The following CADM2 variants were observed in gnomAD, a reference collection of about 807,000 sequenced individuals.
CADM2 encodes cell adhesion molecule 2.
A neutral mutation model predicts 49.8 loss-of-function variants in CADM2; 12 were observed. The observed-to-expected ratio is 0.24, with a 90% CI of 0.15 to 0.39. CADM2 has a LOEUF of 0.39. Among genes scored for constraint, CADM2 ranks in the 10% least tolerant of loss-of-function variants. CADM2 has a pLI of 1.00. For synonymous variants in CADM2, 214 were observed against 175.4 expected (o/e 1.22, Z -1.74); for missense variants, 378 against 492.3 (o/e 0.77, Z 2.20).
At chr3:85,090,579 G>A (rs937776995) in intron 1 of CADM2, among the ~76,000 whole-genome samples, 3 of 152,180 alleles carry the variant, frequency 2.0e-5, no homozygotes, top group Admixed American at 1.3e-4. Flanking sequence ...CAATTTCTGT[G>A]CTCTCCAACC....
chr3:86,023,797 T>C (rs963899716), intron 8 of CADM2, among the ~76,000 whole-genome samples: 1 of 152,174 alleles, frequency 6.6e-6, no homozygotes, highest in African/African-American at 2.4e-5. Context: ...GGAAATAGCT[T>C]CTTTTTAGAC....
At chr3:85,524,147 A>C (rs892240548) in intron 1 of CADM2, among the ~76,000 whole-genome samples, 1 of 152,132 alleles carries the variant, frequency 6.6e-6, no homozygotes, top group Non-Finnish European at 1.5e-5. Context: ...CTAAAGTTTG[A>C]TGGATTTTAT....
At chr3:85,128,670 T>G (rs1375265375) in intron 1 of CADM2, among the ~76,000 whole-genome samples, 1 of 152,166 alleles carries the variant, frequency 6.6e-6, no homozygotes, top group Non-Finnish European at 1.5e-5. Context: ...CTTCCAACTT[T>G]CTTGTGAATC....
intron 1 of CADM2, among the ~76,000 whole-genome samples, chr3:85,698,514 A>T (rs922167912): frequency 1.3e-5 from 2 of 152,066 alleles, no homozygotes; most frequent in Non-Finnish European, 2.9e-5. Flanking sequence ...GCTTCTGGGG[A>T]AGCCTCAGGA....
intron 6 of CADM2, among the ~76,000 whole-genome samples, chr3:85,924,849 C>T (rs767718954): frequency 8.5e-5 from 13 of 152,122 alleles, no homozygotes; most frequent in Non-Finnish European, 1.6e-4. Flanking sequence ...TTGCTTCTAA[C>T]ATAAAGTCCA....
At chr3:85,954,707 A>C (rs2108596084) in intron 7 of CADM2, among the ~76,000 whole-genome samples, 1 of 151,328 alleles carries the variant, frequency 6.6e-6, no homozygotes, top group South Asian at 2.1e-4. Context: ...ATAAACTTTA[A>C]ATCTTTTACT....
At chr3:85,954,993 C>A (rs1163870976) in intron 7 of CADM2, among the ~76,000 whole-genome samples, 1 of 151,222 alleles carries the variant, frequency 6.6e-6, no homozygotes, top group Non-Finnish European at 1.5e-5. Context: ...ATATTTACTG[C>A]CCATCTGTGG....
At chr3:85,893,284 G>A (rs573384971) in intron 5 of CADM2, among the ~76,000 whole-genome samples, 2 of 152,126 alleles carry the variant, frequency 1.3e-5, no homozygotes, top group East Asian at 3.9e-4. Context: ...AGGAAAACTG[G>A]CTAGCCATAT....
At chr3:85,595,826 T>A (rs2063225731) in intron 1 of CADM2, among the ~76,000 whole-genome samples, 1 of 152,040 alleles carries the variant, frequency 6.6e-6, no homozygotes, top group East Asian at 1.9e-4. Flanking sequence ...TAACGAGATT[T>A]TAAAGTGTTA....
intron 1 of CADM2, among the ~76,000 whole-genome samples, chr3:85,704,922 G>A (rs1459757401): frequency 6.7e-6 from 1 of 149,440 alleles, no homozygotes; most frequent in Non-Finnish European, 1.5e-5. Context: ...GCAGTGGCAC[G>A]ATCTTGGCTC....
chr3:85,618,369 C>T (rs1009035718), intron 1 of CADM2, among the ~76,000 whole-genome samples: 29 of 152,012 alleles, frequency 1.9e-4, no homozygotes, highest in African/African-American at 7.0e-4. Flanking sequence ...TTGCAGCTTC[C>T]ATTATTCAGT....
At chr3:85,339,945 C>A (rs1423276381) in intron 1 of CADM2, among the ~76,000 whole-genome samples, 1 of 149,972 alleles carries the variant, frequency 6.7e-6, no homozygotes, top group Admixed American at 6.7e-5. Context: ...TAAAATATAC[C>A]CATGAGATGT....
chr3:85,140,079 G>A (rs1403174672), intron 1 of CADM2, among the ~76,000 whole-genome samples: 1 of 152,092 alleles, frequency 6.6e-6, no homozygotes. Flanking sequence ...TATAAACCAG[G>A]CTTGTAGCTA....
intron 1 of CADM2, among the ~76,000 whole-genome samples, chr3:85,252,519 C>A (rs1021130845): frequency 3.9e-5 from 6 of 151,950 alleles, no homozygotes; most frequent in African/African-American, 1.4e-4. Context: ...AACTAAGGCA[C>A]TAATGACTTT....
intron 5 of CADM2, among the ~76,000 whole-genome samples, chr3:85,911,624 A>C (rs545972601): frequency 1.3e-5 from 2 of 152,142 alleles, no homozygotes; most frequent in African/African-American, 4.8e-5. Context: ...CACATTGTTC[A>C]TGTTAAAGTT....
At chr3:85,270,461 C>T (rs1210094689) in intron 1 of CADM2, among the ~76,000 whole-genome samples, 2 of 151,264 alleles carry the variant, frequency 1.3e-5, no homozygotes, top group East Asian at 1.9e-4. Flanking sequence ...TAGTCACACC[C>T]ATCATGCCTA....
chr3:86,001,108 T>C (rs1482489517), intron 8 of CADM2, among the ~76,000 whole-genome samples: 4 of 152,154 alleles, frequency 2.6e-5, no homozygotes, highest in Admixed American at 2.6e-4. Context: ...TTTGACTATA[T>C]GGATGAAAGA....
At chr3:86,047,231 G>A (rs1329516695) in intron 8 of CADM2, among the ~76,000 whole-genome samples, 2 of 152,138 alleles carry the variant, frequency 1.3e-5, no homozygotes, top group Non-Finnish European at 2.9e-5. Context: ...CATTTAAGAA[G>A]TGAGTAATAT....
At chr3:85,774,864 C>T (rs1298300341) in intron 2 of CADM2, among the ~76,000 whole-genome samples, 1 of 151,478 alleles carries the variant, frequency 6.6e-6, no homozygotes, top group Non-Finnish European at 1.5e-5. Context: ...TATTTCAACA[C>T]CGATAGAACC....
Sources: allele counts gnomAD v4.1 joint callset (sites outside exome capture counted in the v4.1 genomes callset), GRCh38; gene constraint gnomAD v4.1.1; transcripts MANE v1.5; gene names NCBI Gene and HGNC (gene_info 2026-07-23, HGNC 2026-07-21).